NCKAP5: variants seen among roughly 807,000 people sequenced by gnomAD.
NCKAP5 encodes the protein nck-associated protein 5.
A neutral mutation model predicts 167.0 loss-of-function variants in NCKAP5; 92 were observed. The ratio of observed to expected loss-of-function variants is 0.55; its 90% confidence interval spans 0.47 to 0.66. NCKAP5 has a LOEUF of 0.66. NCKAP5 is among the 30% of genes least tolerant of loss of function. The pLI, the probability that NCKAP5 is intolerant of heterozygous loss-of-function variation, is 0.00. For synonymous variants in NCKAP5, 891 were observed against 877.4 expected (o/e 1.02, Z -0.27); for missense variants, 2,378 against 2,315.0 (o/e 1.03, Z -0.56).
chr2:133,172,576 A>G (rs34835934), intron 5 of NCKAP5, among the ~76,000 whole-genome samples: 21,494 of 152,074 alleles, frequency 0.14, 1,688 homozygotes, highest in East Asian at 0.38. Context: ...AGTTCAAGCG[A>G]TTCTCCTGTC....
chr2:132,795,304 T>C (rs73957688), intron 12 of NCKAP5, among the ~76,000 whole-genome samples: 7,545 of 152,254 alleles, frequency 0.05, 372 homozygotes, highest in East Asian at 0.13. Flanking sequence ...TAATAATGAT[T>C]ATTCTTAAAA....
chr2:133,437,830 T>C (rs1026639508), intron 3 of NCKAP5, among the ~76,000 whole-genome samples: 4 of 152,220 alleles, frequency 2.6e-5, no homozygotes, highest in Non-Finnish European at 5.9e-5. Flanking sequence ...TACAGTTCTT[T>C]TGAGAATTAA....
At chr2:133,549,770 A>G (rs1297873867) in intron 2 of NCKAP5, among the ~76,000 whole-genome samples, 3 of 150,846 alleles carry the variant, frequency 2.0e-5, no homozygotes, top group Middle Eastern at 3.4e-3. Context: ...GGAAATAGAG[A>G]CACAAAAAAA....
At chr2:132,792,240 A>G (rs1364720117) in intron 12 of NCKAP5, among the ~76,000 whole-genome samples, 1 of 152,078 alleles carries the variant, frequency 6.6e-6, no homozygotes, top group Non-Finnish European at 1.5e-5. Context: ...TTACTATCCT[A>G]TTTCTTCCCC....
At chr2:133,241,651 C>T (rs1457115124) in intron 4 of NCKAP5, among the ~76,000 whole-genome samples, 1 of 152,100 alleles carries the variant, frequency 6.6e-6, no homozygotes, top group Non-Finnish European at 1.5e-5. Flanking sequence ...CTATTTTCAT[C>T]TACTCTGCCA....
At chr2:133,557,448 G>A (rs781742085) in intron 2 of NCKAP5, among the ~76,000 whole-genome samples, 46 of 152,088 alleles carry the variant, frequency 3.0e-4, no homozygotes, top group Non-Finnish European at 5.6e-4. Flanking sequence ...CACAGCCCTC[G>A]CCTGCCCAGG....
chr2:133,087,607 T>C (rs2081035822), intron 6 of NCKAP5, among the ~76,000 whole-genome samples: 1 of 152,228 alleles, frequency 6.6e-6, no homozygotes, highest in Non-Finnish European at 1.5e-5. Flanking sequence ...TTTATGCCTC[T>C]TGGTGTGCTA....
At chr2:132,939,709 G>T (rs1339528716) in intron 8 of NCKAP5, among the ~76,000 whole-genome samples, 1 of 152,008 alleles carries the variant, frequency 6.6e-6, no homozygotes, top group Non-Finnish European at 1.5e-5. Context: ...ACTCAATATT[G>T]TAGTTTTTGG....
At chr2:133,097,791 A>C (rs1383744866) in intron 6 of NCKAP5, among the ~76,000 whole-genome samples, 2 of 152,138 alleles carry the variant, frequency 1.3e-5, no homozygotes, top group East Asian at 3.9e-4. Context: ...ATGCTACGAC[A>C]TAGAGAGGAA....
chr2:133,322,713 T>C (rs1331918446), intron 3 of NCKAP5, among the ~76,000 whole-genome samples: 4 of 152,182 alleles, frequency 2.6e-5, no homozygotes, highest in Non-Finnish European at 5.9e-5. Context: ...CTAGGACACA[T>C]AGAAGCTATG....
At chr2:133,562,076 T>C (rs1688197835) in intron 1 of NCKAP5, among the ~76,000 whole-genome samples, 1 of 151,486 alleles carries the variant, frequency 6.6e-6, no homozygotes, top group Non-Finnish European at 1.5e-5. Flanking sequence ...TCTACCATAA[T>C]AATAAAGAAG....
intron 16 of NCKAP5, among the ~76,000 whole-genome samples, chr2:132,735,574 T>C (rs538895853): frequency 4.6e-5 from 7 of 152,282 alleles, no homozygotes; most frequent in African/African-American, 1.7e-4. Context: ...CGTCAGGTAT[T>C]TCTTTATAGC....
intron 5 of NCKAP5, among the ~76,000 whole-genome samples, chr2:133,135,931 C>A (rs925802881): frequency 1.3e-5 from 2 of 152,116 alleles, no homozygotes; most frequent in Non-Finnish European, 2.9e-5. Flanking sequence ...CTCTGTATAA[C>A]ATTTGTCTTT....
the NCKAP5 span, among the ~76,000 whole-genome samples, chr2:133,612,801 C>T: frequency 6.6e-6 from 1 of 152,198 alleles, no homozygotes; most frequent in Admixed American, 6.5e-5. Flanking sequence ...TTTGCTTTGT[C>T]AACCTGACCT....
intron 3 of NCKAP5, among the ~76,000 whole-genome samples, chr2:133,307,357 C>A (rs1241561954): frequency 6.6e-6 from 1 of 151,942 alleles, no homozygotes. Context: ...ATTTGAAATG[C>A]AAACAACAAA....
chr2:133,667,946 C>T, the NCKAP5 span, among the ~76,000 whole-genome samples: 1 of 151,988 alleles, frequency 6.6e-6, no homozygotes, highest in Non-Finnish European at 1.5e-5. Flanking sequence ...TTCCCAGTAT[C>T]CCTTTTCCCA....
chr2:133,165,280 T>C (rs2083953524), intron 5 of NCKAP5, among the ~76,000 whole-genome samples: 1 of 152,200 alleles, frequency 6.6e-6, no homozygotes. Context: ...ACAATCCCTT[T>C]GGAAAGCAAT....
chr2:132,899,186 C>G (rs913547402), intron 8 of NCKAP5, among the ~76,000 whole-genome samples: 3 of 152,216 alleles, frequency 2.0e-5, no homozygotes, highest in African/African-American at 2.4e-5. Context: ...TCACCTTGCA[C>G]TTTCATGTTA....
intron 19 of NCKAP5, among the ~76,000 whole-genome samples, chr2:132,711,160 G>A (rs1047214758): frequency 6.6e-6 from 1 of 152,190 alleles, no homozygotes; most frequent in Non-Finnish European, 1.5e-5. Context: ...AAATATGAGG[G>A]TGAACCCAGG....
Sources: gnomAD v4.1 joint callset for allele counts (sites outside exome capture counted in the v4.1 genomes callset) on GRCh38, gnomAD v4.1.1 for gene constraint, MANE v1.5 for transcripts, NCBI Gene and HGNC (gene_info 2026-07-23, HGNC 2026-07-21) for gene names.